The following ATG7 variants were observed in gnomAD, a reference collection of about 807,000 sequenced individuals.
ATG7 encodes ubiquitin-like modifier-activating enzyme ATG7.
In ATG7, 70 loss-of-function variants were observed where a neutral mutation model predicts 82.4. The observed-to-expected ratio is 0.85, with a 90% confidence interval of 0.70 to 1.04. The LOEUF (loss-of-function observed/expected upper bound fraction) is 1.04. Ranked by LOEUF, ATG7 falls within the 50% of genes least tolerant of loss-of-function variation. The probability of loss-of-function intolerance (pLI) is 0.00; values close to 1 mark genes in which losing one functional copy is unlikely to be tolerated. For synonymous variants in ATG7, 287 were observed against 313.0 expected, an observed-to-expected ratio of 0.92 and a Z score of 0.88; for missense variants, 792 against 864.3, an observed-to-expected ratio of 0.92 and a Z score of 1.05.
chr3:11,463,014 G>T (rs1328858591), intron 20 of ATG7, among the ~76,000 whole-genome samples: 2 of 151,846 alleles, frequency 1.3e-5, no homozygotes, highest in Non-Finnish European at 2.9e-5. Flanking sequence ...GCCTCCCAAG[G>T]AGCTGGGATG....
intron 19 of ATG7, among the ~76,000 whole-genome samples, chr3:11,391,624 C>T (rs1193712774): frequency 1.3e-5 from 2 of 152,192 alleles, no homozygotes; most frequent in African/African-American, 2.4e-5. Context: ...TTTACAGCCT[C>T]AATCATCTTG....
chr3:11,452,297 AT>A (rs1418587716), intron 20 of ATG7, among the ~76,000 whole-genome samples: 1 of 149,208 alleles, frequency 6.7e-6, no homozygotes, highest in Non-Finnish European at 1.5e-5. Flanking sequence ...AGGCAGGAGA[AT>A]CACTTGAACC....
intron 9 of ATG7, among the ~76,000 whole-genome samples, chr3:11,317,584 C>CTTTTTTTTTTTTTTTTTTTTTTT (rs370026914): frequency 1.7e-5 from 2 of 114,482 alleles, no homozygotes; most frequent in Non-Finnish European, 1.7e-5. Flanking sequence ...TTCTTTCTTT[C>CTTTTTTTTTTTTTTTTTTTTTTT]TTTTTTTTTT....
At chr3:11,538,874 C>A (rs1264207135) in intron 20 of ATG7, among the ~76,000 whole-genome samples, 31 of 140,208 alleles carry the variant, frequency 2.2e-4, no homozygotes, top group African/African-American at 1.9e-4. Context: ...ACTCTTGTCT[C>A]AAAAAAAAAG....
intron 20 of ATG7, among the ~76,000 whole-genome samples, chr3:11,458,946 C>T (rs13320663): frequency 0.022 from 3,333 of 152,126 alleles, 111 homozygotes; most frequent in African/African-American, 0.076. Context: ...ACTGTTCATG[C>T]GAGGGATCTG....
At chr3:11,496,031 C>T (rs767312711) in intron 20 of ATG7, among the ~76,000 whole-genome samples, 12 of 152,172 alleles carry the variant, frequency 7.9e-5, no homozygotes, top group Non-Finnish European at 1.2e-4. Context: ...GGGCATGCTC[C>T]CTGCATCACA....
intron 18 of ATG7, among the ~76,000 whole-genome samples, chr3:11,378,685 C>CAAAAAAAAAAAAAAAAAAAAAAAAA (rs368506515): frequency 2.5e-5 from 2 of 78,934 alleles, no homozygotes; most frequent in African/African-American, 1.4e-4. Context: ...ACTCCATCTC[C>CAAAAAAAAAAAAAAAAAAAAAAAAA]AAAAAAAAAA....
chr3:11,360,827 A>G, intron 16 of ATG7, 43 bp downstream of exon 16: 1 of 1,598,834 alleles, frequency 6.3e-7, no homozygotes, highest in Non-Finnish European at 8.6e-7. Flanking sequence ...CCTATCACCA[A>G]CTTGTACACT....
chr3:11,374,701 T>C lies in ATG7; in HGVS notation c.1876-5271T>C, dbSNP rs111420483. Among the ~76,000 whole-genome samples, 902 of 151,966 alleles carry C rather than the reference T, an allele frequency of 5.9e-3. 7 individuals carry two copies. Among genetic ancestry groups the C allele is most frequent in the African/African-American group, 0.02 (816 of 41,450 alleles). ...CGGGCAGATCGTGAGGTCAGGAGAT[T>C]GAGACCATCCTGGTTAACATGGTGA... On this transcript the variant is annotated intron_variant, in intron 18 of 20. Coordinates refer to ENST00000693202, the MANE Select transcript of ATG7 (RefSeq NM_001349232.2).
At chr3:11,430,435 C>T (rs919003768) in intron 20 of ATG7, among the ~76,000 whole-genome samples, 2 of 152,122 alleles carry the variant, frequency 1.3e-5, no homozygotes, top group African/African-American at 4.8e-5. Context: ...CAGAATTCTG[C>T]ATTCTACGTA....
chr3:11,549,297 A>C (rs2071564551), intron 20 of ATG7, among the ~76,000 whole-genome samples: 1 of 152,238 alleles, frequency 6.6e-6, no homozygotes, highest in Admixed American at 6.5e-5. Context: ...TTTATATCAC[A>C]TAGTGAAATG....
Position 11,431,185 on chromosome 3 carries a change from T to G in ATG7, c.2079+4259T>G, listed in dbSNP as rs1012987090. The stretch of plus-strand genomic sequence containing the variant: ...GGGAGGCCGAGGTGGGTGGATCACT[T>G]GAGGTCAGGAGTTTGAGACCAGCCT... On this transcript the variant is annotated intron_variant, in intron 20 of 20. Transcript: ENST00000693202. Among the ~76,000 whole-genome samples, 2 of 152,232 alleles carry G rather than the reference T, an allele frequency of 1.3e-5. 1 individual carries two copies. Among genetic ancestry groups the G allele is most frequent in the South Asian group, 4.1e-4 (2 of 4,836 alleles).
At chr3:11,329,561 C>T (rs904992407) in intron 9 of ATG7, among the ~76,000 whole-genome samples, 4 of 152,086 alleles carry the variant, frequency 2.6e-5, no homozygotes, top group Non-Finnish European at 2.9e-5. Context: ...AAACATTCAC[C>T]GAGTGTCTGC....
chr3:11,340,658 A>G lies in ATG7; in HGVS notation c.903A>G (p.Ala301=), dbSNP rs1559428672. The change falls in exon 12 of 21, where the codon GCA becomes GCG. Residue 301 remains alanine (A), a synonymous_variant. Transcript: ENST00000693202. The stretch of plus-strand genomic sequence containing the variant: ...ATTTGCCTTAAGATTGTCCTAAAGC[A>G]GTTGGATGGGAAAAGAACCAGAAAG... The part of the protein sequence containing the change: ...EMAFSPDCPK[A]VGWEKNQKGG... 6.2e-7 allele frequency: 1 copy of G among 1,613,712 alleles called. No homozygotes were observed. Among genetic ancestry groups the G allele is most frequent in the Non-Finnish European group, 8.5e-7 (1 of 1,179,750 alleles).
At chr3:11,569,419 G>A in the ATG7 span, among the ~76,000 whole-genome samples, 1 of 152,238 alleles carries the variant, frequency 6.6e-6, no homozygotes, top group Non-Finnish European at 1.5e-5. Flanking sequence ...GCCCAGGGCA[G>A]CCTTGGGCCC....
intron 19 of ATG7, among the ~76,000 whole-genome samples, chr3:11,416,372 T>C (rs943324043): frequency 6.6e-6 from 1 of 152,204 alleles, no homozygotes; most frequent in Non-Finnish European, 1.5e-5. Context: ...AATTATTGAT[T>C]CAATTTATTT....
rs561349187 is a variant in ATG7 at position 11,490,281 on chromosome 3, C to G, written c.2079+63355C>G. ...TTGGTTTAAAGTCTTCTATCAGAGA[C>G]TAGGATTGCAACCCCTGCCTTTTTT... On this transcript the variant is annotated intron_variant, in intron 20 of 20. Transcript: ENST00000693202. Among the ~76,000 whole-genome samples, 410 of 152,314 alleles carry G rather than the reference C, an allele frequency of 2.7e-3. 1 individual carries two copies. Among genetic ancestry groups the G allele is most frequent in the Non-Finnish European group, 3.5e-3 (237 of 68,026 alleles).
chr3:11,437,476 G>A (rs2083467234), intron 20 of ATG7, among the ~76,000 whole-genome samples: 3 of 152,062 alleles, frequency 2.0e-5, no homozygotes, highest in Admixed American at 6.6e-5. Context: ...ATGAGAGCAC[G>A]TTGCTATCTG....
chr3:11,482,649 A>G (rs1006077564), intron 20 of ATG7, among the ~76,000 whole-genome samples: 5 of 152,206 alleles, frequency 3.3e-5, no homozygotes, highest in Middle Eastern at 6.8e-3. Flanking sequence ...GCCTCCCCGA[A>G]TTTATAGTAT....
Sources: gnomAD v4.1 joint callset for allele counts (sites outside exome capture counted in the v4.1 genomes callset) on GRCh38, gnomAD v4.1.1 for gene constraint, MANE v1.5 for transcripts, NCBI Gene and HGNC (gene_info 2026-07-23, HGNC 2026-07-21) for gene names.